IPO5: variants seen among roughly 807,000 people sequenced by gnomAD.
IPO5 encodes the protein importin 5.
Under a neutral mutation model 143.3 loss-of-function variants are expected in IPO5, and 18 were observed. That is an observed-to-expected ratio of 0.13 (90% CI 0.09 to 0.19). The LOEUF is 0.19. Among genes scored for constraint, IPO5 ranks in the 10% least tolerant of loss-of-function variants. The pLI is 1.00. For missense variants in IPO5, 1,013 were observed against 1,336.9 expected (o/e 0.76, Z 3.78); for synonymous variants, 477 against 465.7 (o/e 1.02, Z -0.31).
chr13:98,006,224 A>G lies in IPO5; in HGVS notation c.1592A>G (p.Tyr531Cys). 1 of 1,613,740 alleles carries G rather than the reference A, an allele frequency of 6.2e-7. No homozygotes were observed. Among genetic ancestry groups the G allele is most frequent in the Non-Finnish European group, 8.5e-7 (1 of 1,179,702 alleles). Residue 531 changes from tyrosine to cysteine, a missense_variant, in exon 17 of 29, where the codon TAT becomes TGT. Around this residue, in one of 2 missense-constraint regions of IPO5, gnomAD observed 685 missense variants for 994.9 expected, o/e 0.69. Coordinates refer to ENST00000651721, the MANE Select transcript of IPO5 (RefSeq NM_002271.6). Reference sequence around the variant, plus strand: ...GCAGAAGAAAAATTTGTCCCCTACTATGATTTATTTATGCCATCACTGAAG... The same window carrying G: ...GCAGAAGAAAAATTTGTCCCCTACTGTGATTTATTTATGCCATCACTGAAG... ...DTAEEKFVPY[Y>C]DLFMPSLKHI...
intron 11 of IPO5, 119 bp from the exon 12 acceptor site, chr13:97,997,409 AAAT>A: frequency 6.3e-6 from 3 of 475,222 alleles, no homozygotes; most frequent in Non-Finnish European, 1.1e-5. Flanking sequence ...GGGCACAGAC[AAAT>A]AATTGTTTTG....
chr13:97,988,905 G>A (rs545016183), intron 6 of IPO5, among the ~76,000 whole-genome samples, 157 bp from the exon 7 acceptor site: 1 of 151,796 alleles, frequency 6.6e-6, no homozygotes, highest in Admixed American at 6.6e-5. Flanking sequence ...CATTTTTATG[G>A]CTAAAGGACA....
intron 2 of IPO5, among the ~76,000 whole-genome samples, chr13:97,954,984 T>G (rs1300356945): frequency 6.6e-6 from 1 of 152,062 alleles, no homozygotes; most frequent in Non-Finnish European, 1.5e-5. Context: ...TCCCAGCACT[T>G]TGGGAGGCTG....
intron 27 of IPO5, among the ~76,000 whole-genome samples, chr13:98,020,694 T>C (rs1438732909): frequency 6.6e-6 from 1 of 152,232 alleles, no homozygotes; most frequent in Non-Finnish European, 1.5e-5. Flanking sequence ...TATTTTGTAG[T>C]AGCAAAATAA....
chr13:97,990,046 T>A, intron 7 of IPO5, 80 bp from the exon 8 acceptor site: 1 of 834,896 alleles, frequency 1.2e-6, no homozygotes, highest in East Asian at 2.6e-5. Context: ...AAACAAACAG[T>A]TCATTAGAGA....
chr13:97,978,448 T>C (rs1886571031), intron 4 of IPO5, among the ~76,000 whole-genome samples: 1 of 152,108 alleles, frequency 6.6e-6, no homozygotes, highest in African/African-American at 2.4e-5. Context: ...TGCGCAGGAG[T>C]ACATGTATAC....
intron 21 of IPO5, among the ~76,000 whole-genome samples, chr13:98,012,606 T>C (rs975343019): frequency 2.0e-5 from 3 of 152,172 alleles, no homozygotes; most frequent in Middle Eastern, 3.2e-3. Flanking sequence ...AGCAAATGAT[T>C]ACAATTATAT....
chr13:97,964,039 G>C (rs746360995), intron 2 of IPO5, among the ~76,000 whole-genome samples: 1 of 151,938 alleles, frequency 6.6e-6, no homozygotes, highest in Non-Finnish European at 1.5e-5. Flanking sequence ...CTTTTTGATG[G>C]GGTTGTTTTT....
intron 2 of IPO5, among the ~76,000 whole-genome samples, chr13:97,967,781 A>G (rs1228635101): frequency 6.6e-6 from 1 of 151,850 alleles, no homozygotes; most frequent in Non-Finnish European, 1.5e-5. Flanking sequence ...ACAGGTGCCC[A>G]CCACCACGCC....
In IPO5 at chr13:97,982,480, A is replaced by AC. The variant is rs764494188; in HGVS notation, c.91-21dup. On this transcript the variant is annotated intron_variant, in intron 4 of 28. Coordinates refer to ENST00000651721, the MANE Select transcript of IPO5 (RefSeq NM_002271.6). The stretch of plus-strand genomic sequence containing the variant: ...TGAAGTTTCCTAACATTCTTTCCTA[A>AC]CCATTTTTTTTTTTCCATGCAGGAA... 72 of 1,516,390 alleles carry AC rather than the reference A, an allele frequency of 4.7e-5. No homozygotes were observed. The African/African-American group carries it at 7.3e-4, about 15-fold the overall frequency. The allele number at this position is 1,516,390 out of a possible 1,614,324, so 93.9% of individuals were successfully genotyped here.
intron 2 of IPO5, among the ~76,000 whole-genome samples, chr13:97,962,053 T>C (rs1884931113): frequency 6.6e-6 from 1 of 152,172 alleles, no homozygotes; most frequent in Non-Finnish European, 1.5e-5. Flanking sequence ...CACTTGAACC[T>C]GGGAGGCAGA....
intron 7 of IPO5, among the ~76,000 whole-genome samples, chr13:97,989,376 C>T (rs1887639077): frequency 6.6e-6 from 1 of 152,120 alleles, no homozygotes; most frequent in Non-Finnish European, 1.5e-5. Flanking sequence ...AGGTTCTCTA[C>T]AGCTTGCTTG....
intron 4 of IPO5, among the ~76,000 whole-genome samples, chr13:97,981,738 C>G (rs1024142524): frequency 6.6e-6 from 1 of 152,204 alleles, no homozygotes; most frequent in Admixed American, 6.5e-5. Flanking sequence ...AGAATTCTTG[C>G]ATATGAATCT....
chr13:97,973,683 C>T (rs1886021323), intron 3 of IPO5, among the ~76,000 whole-genome samples: 1 of 152,162 alleles, frequency 6.6e-6, no homozygotes, highest in Non-Finnish European at 1.5e-5. Context: ...GCTGTGATTT[C>T]GTGTTCTAGC....
chr13:97,989,162 C>T lies in IPO5; in HGVS notation c.465C>T (p.Phe155=). The change falls in exon 7 of 29, where the codon TTC becomes TTT. Residue 155 remains phenylalanine (F), a splice_region_variant and synonymous_variant. Transcript: ENST00000651721. Reference sequence around the variant, plus strand: ...TGCGGGAAGCTGCCCTTCACATTTTCTGGTATATACATTAATCTAGTTTTT... The same window carrying T: ...TGCGGGAAGCTGCCCTTCACATTTTTTGGTATATACATTAATCTAGTTTTT... ...VGLREAALHI[F]WNFPGIFGNQ... The T allele has an allele frequency of 6.4e-7, 1 of 1,562,664 alleles. No homozygotes were observed. The highest frequency in any genetic ancestry group is 8.8e-7 in the Non-Finnish European group (1 of 1,133,544).
At chr13:97,956,494 C>T (rs1884472226) in intron 2 of IPO5, among the ~76,000 whole-genome samples, 1 of 152,194 alleles carries the variant, frequency 6.6e-6, no homozygotes, top group Non-Finnish European at 1.5e-5. Flanking sequence ...ATTGTTGGAT[C>T]TCACCCTTAG....
chr13:97,959,724 A>G (rs1256560448), intron 2 of IPO5, among the ~76,000 whole-genome samples: 2 of 151,962 alleles, frequency 1.3e-5, no homozygotes, highest in Non-Finnish European at 2.9e-5. Flanking sequence ...ACGGACTGGG[A>G]CTCTGTCTCA....
At chr13:97,957,377 A>AT (rs1884535974) in intron 2 of IPO5, among the ~76,000 whole-genome samples, 1 of 150,592 alleles carries the variant, frequency 6.6e-6, no homozygotes, top group Non-Finnish European at 1.5e-5. Context: ...TTTTTTTTGT[A>AT]TTTTTTGTAG....
intron 4 of IPO5, chr13:97,980,054 G>C (rs753972086): frequency 5.0e-6 from 2 of 401,186 alleles, no homozygotes; most frequent in Non-Finnish European, 1.0e-5. Flanking sequence ...AATTGTATAA[G>C]GTGGAATCAA....
Sources: gnomAD v4.1 joint callset for allele counts (sites outside exome capture counted in the v4.1 genomes callset) on GRCh38, gnomAD v4.1.1 for gene constraint, gnomAD v4.1.1 regional missense constraint, MANE v1.5 for transcripts, NCBI Gene and HGNC (gene_info 2026-07-23, HGNC 2026-07-21) for gene names.